Variants in ANXA10 observed in about 807,000 individuals in gnomAD.
ANXA10 encodes annexin A10.
Under a neutral mutation model 53.5 loss-of-function variants are expected in ANXA10, and 49 were observed. The ratio of observed to expected loss-of-function variants is 0.92; its 90% CI spans 0.73 to 1.16. ANXA10 has a LOEUF of 1.16. Among genes scored for constraint, ANXA10 ranks in the 50% most tolerant of loss-of-function variants. The pLI is 0.00. For missense variants in ANXA10, 393 were observed against 394.4 expected (o/e 1.00, Z 0.03); for synonymous variants, 131 against 128.9 (o/e 1.02, Z -0.11).
intron 1 of ANXA10, among the ~76,000 whole-genome samples, chr4:168,095,343 A>G (rs1339414330): frequency 1.3e-5 from 2 of 151,992 alleles, no homozygotes; most frequent in African/African-American, 4.8e-5. Context: ...TAATAGGATT[A>G]GAGTTAACTT....
In ANXA10 at chr4:168,151,130, T is replaced by C. The variant is rs569016972; in HGVS notation, c.196-11398T>C. On this transcript the variant is annotated intron_variant, in intron 3 of 11. Transcript: ENST00000359299. ...TTTAATTTTTCAATATAATATAAAA[T>C]GATGCAAGTATTTACATAGTGACCA... Among the ~76,000 whole-genome samples the C allele has an allele frequency of 3.9e-5, 6 of 152,298 alleles. No homozygotes were observed. In the South Asian group the frequency reaches 8.3e-4, roughly 21 times the overall value.
intron 10 of ANXA10, among the ~76,000 whole-genome samples, chr4:168,182,318 A>ATTT (rs542260478): frequency 0.023 from 1,120 of 49,668 alleles, 318 homozygotes; most frequent in East Asian, 0.051. Context: ...TGGAGCATTA[A>ATTT]TTTTTTTTTT....
In ANXA10 at chr4:168,162,632, T is replaced by C. The variant is rs1291710240; in HGVS notation, c.300T>C (p.His100=). 6.2e-7 allele frequency: 1 copy of C among 1,613,748 alleles called. No individual in the cohort carries two copies. The highest frequency in any genetic ancestry group is 1.7e-5 in the Admixed American group (1 of 59,980). The change falls in exon 4 of 12, where the codon CAT becomes CAC. Residue 100 remains histidine (H), a synonymous_variant. Coordinates refer to ENST00000359299, the MANE Select transcript of ANXA10 (RefSeq NM_007193.5). ...PPLYDAHELW[H]AMKGVGTDEN... is the part of the protein sequence containing the mutation. Reference sequence around the variant, plus strand: ...TGTATGATGCTCATGAGCTCTGGCATGCCATGAAGGTAGTGATCTGATCCA... The same window carrying C: ...TGTATGATGCTCATGAGCTCTGGCACGCCATGAAGGTAGTGATCTGATCCA...
intron 3 of ANXA10, among the ~76,000 whole-genome samples, chr4:168,146,160 T>G (rs1731403633): frequency 6.6e-6 from 1 of 152,166 alleles, no homozygotes; most frequent in African/African-American, 2.4e-5. Flanking sequence ...CCACCCGCCT[T>G]GGCCTCTCAA....
intron 1 of ANXA10, among the ~76,000 whole-genome samples, chr4:168,109,205 C>A (rs1445823303): frequency 6.6e-6 from 1 of 152,196 alleles, no homozygotes; most frequent in Non-Finnish European, 1.5e-5. Context: ...CCAACCCTCA[C>A]TTTCCAGAAA....
chr4:168,164,133 C>T (rs1731832611), intron 4 of ANXA10, 65 bp from the exon 5 acceptor site: 2 of 1,239,854 alleles, frequency 1.6e-6, no homozygotes, highest in Non-Finnish European at 2.3e-6. Flanking sequence ...CTTTCTTGTA[C>T]AAAAGGTACA....
At chr4:168,163,000 G>A (rs1226010397) in intron 4 of ANXA10, among the ~76,000 whole-genome samples, 1 of 152,160 alleles carries the variant, frequency 6.6e-6, no homozygotes, top group African/African-American at 2.4e-5. Flanking sequence ...TAAAAATGAT[G>A]TGAATCTTGT....
chr4:168,146,457 G>A (rs1731408086), intron 3 of ANXA10, among the ~76,000 whole-genome samples: 1 of 152,190 alleles, frequency 6.6e-6, no homozygotes, highest in South Asian at 2.1e-4. Context: ...TATGAATTGT[G>A]ATTTCCTTTG....
chr4:168,175,050 G>A (rs1732095505), intron 6 of ANXA10, among the ~76,000 whole-genome samples: 1 of 152,100 alleles, frequency 6.6e-6, no homozygotes, highest in Non-Finnish European at 1.5e-5. Context: ...GAGAAGAAAT[G>A]TAAATACAGA....
chr4:168,098,094 T>C (rs1459662580), intron 1 of ANXA10, among the ~76,000 whole-genome samples: 1 of 151,372 alleles, frequency 6.6e-6, no homozygotes, highest in Non-Finnish European at 1.5e-5. Context: ...TAAGTATTAC[T>C]TTAAATCTAA....
intron 6 of ANXA10, among the ~76,000 whole-genome samples, chr4:168,174,342 C>T (rs1289577327): frequency 1.3e-5 from 2 of 152,224 alleles, no homozygotes; most frequent in African/African-American, 4.8e-5. Flanking sequence ...ACCATGTCCC[C>T]TTTGTCTGGA....
At chr4:168,124,996 G>C (rs1204845049) in intron 1 of ANXA10, among the ~76,000 whole-genome samples, 2 of 152,138 alleles carry the variant, frequency 1.3e-5, no homozygotes, top group African/African-American at 4.8e-5. Context: ...CTAGGAACGA[G>C]GGAATGGGAC....
Position 168,127,767 on chromosome 4 carries a change from C to T in ANXA10, c.19-317C>T, listed in dbSNP as rs756882852. On this transcript the variant is annotated intron_variant, in intron 1 of 11. Transcript: ENST00000359299. ...TGTGTATGTTTTGTAGTAATTTAAACACACAGAATATACTTTCATTTTCAT... is the reference window on the plus strand; with the variant it reads ...TGTGTATGTTTTGTAGTAATTTAAATACACAGAATATACTTTCATTTTCAT... 6 of 523,922 alleles carry T rather than the reference C, an allele frequency of 1.1e-5. No homozygotes were observed. In the Admixed American group the frequency reaches 1.1e-4, roughly 10 times the overall value. 32.5% of individuals were successfully genotyped at this position (523,922 alleles called of 1,614,324 possible). A position where few individuals can be genotyped will look rare whatever the true frequency, so the allele number is the denominator to read the frequency against.
rs1342432146 is a variant in ANXA10, at chr4:168,128,173, T to G, written c.100+8T>G. On this transcript the variant is annotated splice_region_variant and intron_variant, in intron 2 of 11. Coordinates refer to ENST00000359299, the MANE Select transcript of ANXA10 (RefSeq NM_007193.5). ...GAGCACTCCAAGGATTTGGTAAGTC[T>G]GATTATTTCTACCATCTTTTATTGT... 6.2e-7 allele frequency: 1 copy of G among 1,604,248 alleles called. No individual in the cohort carries two copies. The highest frequency in any genetic ancestry group is 1.7e-5 in the Admixed American group (1 of 59,762).
At position 168,187,562 on chromosome 4, in the gene ANXA10, T is replaced by G. The variant is rs533700214; in HGVS notation, c.*128T>G. 11 of 530,112 alleles carry G rather than the reference T, an allele frequency of 2.1e-5. No homozygotes were observed. The Admixed American group carries it at 3.8e-4, about 18-fold the overall frequency. The allele number at this position is 530,112 out of a possible 1,614,324, so 32.8% of individuals were successfully genotyped here. On this transcript the variant is annotated 3_prime_UTR_variant, in exon 12 of 12. Coordinates refer to ENST00000359299, the MANE Select transcript of ANXA10 (RefSeq NM_007193.5). ...TACAATCATATTTTCTCTTCTATCT[T>G]TGAAATTATTCTAAGCCAAAGAAAA...
intron 1 of ANXA10, among the ~76,000 whole-genome samples, chr4:168,120,535 C>A (rs935181252): frequency 4.6e-5 from 7 of 151,408 alleles, no homozygotes; most frequent in Non-Finnish European, 7.4e-5. Flanking sequence ...TATTGTTGGA[C>A]AATTGTGGTC....
intron 3 of ANXA10, among the ~76,000 whole-genome samples, 188 bp downstream of exon 3, chr4:168,139,768 T>C (rs1462342706): frequency 2.0e-5 from 3 of 152,214 alleles, no homozygotes; most frequent in African/African-American, 7.2e-5. Flanking sequence ...GAAACAAATA[T>C]ACATGTGAGA....
At chr4:168,113,559 G>T (rs1180153754) in intron 1 of ANXA10, among the ~76,000 whole-genome samples, 1 of 152,246 alleles carries the variant, frequency 6.6e-6, no homozygotes, top group Non-Finnish European at 1.5e-5. Flanking sequence ...AGAAGGTGGA[G>T]GAACTCCTTT....
At chr4:168,122,172 C>CA in intron 1 of ANXA10, among the ~76,000 whole-genome samples, 1 of 152,104 alleles carries the variant, frequency 6.6e-6, no homozygotes, top group Non-Finnish European at 1.5e-5. Flanking sequence ...CCATTTTGAC[C>CA]TTCCGTGAAT....
Sources: allele counts gnomAD v4.1 joint callset (sites outside exome capture counted in the v4.1 genomes callset), GRCh38; gene constraint gnomAD v4.1.1; transcripts MANE v1.5; gene names NCBI Gene and HGNC (gene_info 2026-07-23, HGNC 2026-07-21).